Variants in TENM3 observed in about 807,000 individuals in gnomAD.
The protein encoded by TENM3 is teneurin-3.
TENM3 carries 63 observed loss-of-function variants against 255.1 expected under a neutral mutation model. The ratio of observed to expected loss-of-function variants is 0.25; its 90% CI spans 0.20 to 0.30. TENM3 has a LOEUF of 0.30. Among genes scored for constraint, TENM3 ranks in the 10% least tolerant of loss-of-function variants. TENM3 has a pLI of 1.00. For missense variants in TENM3, 2,929 were observed against 3,461.1 expected, an observed-to-expected ratio of 0.85 and a Z score of 3.86; for synonymous variants, 1,306 against 1,322.3, an observed-to-expected ratio of 0.99 and a Z score of 0.27.
chr4:182,435,665 T>A (rs1218261434), intron 3 of TENM3, among the ~76,000 whole-genome samples: 1 of 152,132 alleles, frequency 6.6e-6, no homozygotes, highest in African/African-American at 2.4e-5. Context: ...CCGGGAGGAA[T>A]GTGAGAAAAT....
the TENM3 span, among the ~76,000 whole-genome samples, chr4:182,136,151 G>GA: frequency 2.8e-4 from 41 of 146,224 alleles, no homozygotes; most frequent in South Asian, 1.1e-3. Context: ...AGCTGGTATG[G>GA]AAAAAAAAAA....
chr4:181,723,783 T>C, the TENM3 span, among the ~76,000 whole-genome samples: 4 of 152,302 alleles, frequency 2.6e-5, no homozygotes, highest in East Asian at 7.7e-4. Context: ...TGAATTATTT[T>C]ATTGATGGTT....
intron 3 of TENM3, among the ~76,000 whole-genome samples, chr4:182,511,200 G>T (rs543494151): frequency 2.0e-5 from 3 of 152,300 alleles, no homozygotes; most frequent in African/African-American, 7.2e-5. Flanking sequence ...GGAGGCTGTA[G>T]TAGGCTGTAA....
the TENM3 span, among the ~76,000 whole-genome samples, chr4:181,466,760 C>T: frequency 6.6e-6 from 1 of 151,910 alleles, no homozygotes; most frequent in Non-Finnish European, 1.5e-5. Context: ...TTTAGGAAAA[C>T]AATTGATTAA....
At chr4:181,767,055 ATT>A in the TENM3 span, among the ~76,000 whole-genome samples, 2 of 138,002 alleles carry the variant, frequency 1.4e-5, no homozygotes, top group Non-Finnish European at 3.1e-5. Context: ...GATCAAGACC[ATT>A]CTGGCTAACA....
the TENM3 span, among the ~76,000 whole-genome samples, chr4:181,470,314 TC>T: frequency 6.6e-6 from 1 of 152,098 alleles, no homozygotes. Context: ...CATTTAAGCT[TC>T]TTTTGAAAGC....
chr4:181,905,478 C>T, the TENM3 span, among the ~76,000 whole-genome samples: 1 of 151,254 alleles, frequency 6.6e-6, no homozygotes, highest in Non-Finnish European at 1.5e-5. Flanking sequence ...CCTAACATCA[C>T]ACATGATAAG....
chr4:181,719,354 T>C, the TENM3 span, among the ~76,000 whole-genome samples: 3 of 152,218 alleles, frequency 2.0e-5, no homozygotes, highest in Admixed American at 6.5e-5. Context: ...GCTTGGATAC[T>C]ATCTTCATCC....
chr4:182,738,164 A>T (rs576536682), intron 17 of TENM3, among the ~76,000 whole-genome samples: 6 of 152,244 alleles, frequency 3.9e-5, no homozygotes, highest in African/African-American at 1.4e-4. Flanking sequence ...AAGGGGTGGT[A>T]TGGGGAAAAA....
At chr4:181,905,533 G>A in the TENM3 span, among the ~76,000 whole-genome samples, 2 of 115,156 alleles carry the variant, frequency 1.7e-5, no homozygotes, top group African/African-American at 3.1e-5. Context: ...AATGAGCTGA[G>A]CTTTTTTTTT....
At chr4:181,588,154 C>T in the TENM3 span, among the ~76,000 whole-genome samples, 1 of 152,164 alleles carries the variant, frequency 6.6e-6, no homozygotes, top group Non-Finnish European at 1.5e-5. Flanking sequence ...CCAGCAGGAA[C>T]AGGGGAGCGG....
At chr4:181,922,936 C>G in the TENM3 span, among the ~76,000 whole-genome samples, 3 of 152,078 alleles carry the variant, frequency 2.0e-5, no homozygotes, top group African/African-American at 7.2e-5. Flanking sequence ...TATGTTGTGT[C>G]TTTGTTCTCA....
chr4:182,360,320 G>A (rs937711208), intron 3 of TENM3, among the ~76,000 whole-genome samples: 1 of 130,508 alleles, frequency 7.7e-6, no homozygotes, highest in African/African-American at 3.0e-5. Flanking sequence ...TGACAGTGGG[G>A]TGTTAAAGTC....
chr4:182,452,316 AT>A lies in TENM3; in HGVS notation c.511+105397del, dbSNP rs1272592030. On this transcript the variant is annotated intron_variant, in intron 3 of 27. Transcript: ENST00000511685. Reference sequence around the variant, plus strand: ...TTAGGAGCAGAAGTTTTCTTTTTAGATTTTTTTTTTGGCAGGGGACGGGGGG... The same window carrying A: ...TTAGGAGCAGAAGTTTTCTTTTTAGATTTTTTTTTGGCAGGGGACGGGGGG... Among the ~76,000 whole-genome samples the A allele has an allele frequency of 2.9e-3, 85 of 28,874 alleles. 1 individual carries two copies. The highest frequency in any genetic ancestry group is 3.9e-3 in the Non-Finnish European group (53 of 13,482). 18.9% of individuals were successfully genotyped at this position (28,874 alleles called of 152,430 possible).
intron 12 of TENM3, among the ~76,000 whole-genome samples, chr4:182,694,641 G>A (rs1311377178): frequency 2.0e-5 from 3 of 152,162 alleles, no homozygotes; most frequent in African/African-American, 4.8e-5. Context: ...TAGGAAACAA[G>A]ATCATTAATG....
At chr4:182,576,068 T>C (rs1197041582) in intron 3 of TENM3, among the ~76,000 whole-genome samples, 1 of 152,252 alleles carries the variant, frequency 6.6e-6, no homozygotes, top group Non-Finnish European at 1.5e-5. Context: ...CTTTAGACAA[T>C]GTTAAGAAAA....
chr4:182,781,794 T>C (rs1170992233), intron 24 of TENM3, among the ~76,000 whole-genome samples: 2 of 149,946 alleles, frequency 1.3e-5, no homozygotes, highest in Admixed American at 1.3e-4. Context: ...AGAGTGTATG[T>C]GTCGAGGAAT....
chr4:181,483,615 T>C, the TENM3 span, among the ~76,000 whole-genome samples: 1 of 152,194 alleles, frequency 6.6e-6, no homozygotes, highest in Non-Finnish European at 1.5e-5. Flanking sequence ...CGTATTTCCT[T>C]AGATTTTTCT....
chr4:182,182,907 C>T (rs145221212), intron 1 of TENM3, among the ~76,000 whole-genome samples: 1 of 152,244 alleles, frequency 6.6e-6, no homozygotes, highest in Non-Finnish European at 1.5e-5. Context: ...TACCAACAGT[C>T]TATTATGATT....
Sources: allele counts gnomAD v4.1 joint callset (sites outside exome capture counted in the v4.1 genomes callset), GRCh38; gene constraint gnomAD v4.1.1; transcripts MANE v1.5; gene names NCBI Gene and HGNC (gene_info 2026-07-23, HGNC 2026-07-21).